Variants in CTNNA3 observed in about 807,000 individuals in gnomAD.
The protein encoded by CTNNA3 is catenin alpha-3.
In CTNNA3, 76 loss-of-function variants were observed where a neutral mutation model predicts 95.7. That is an observed-to-expected ratio of 0.79 (90% CI 0.66 to 0.96). The LOEUF (loss-of-function observed/expected upper bound fraction) is 0.96. Among genes scored for constraint, CTNNA3 ranks in the 40% least tolerant of loss-of-function variants. The pLI, the probability that CTNNA3 is intolerant of heterozygous loss-of-function variation, is 0.00. For synonymous variants in CTNNA3, 431 were observed against 374.4 expected, an observed-to-expected ratio of 1.15 and a Z score of -1.74; for missense variants, 1,191 against 1,089.8, an observed-to-expected ratio of 1.09 and a Z score of -1.31.
chr10:67,547,216 C>G (rs561165410), intron 3 of CTNNA3, among the ~76,000 whole-genome samples: 2 of 151,988 alleles, frequency 1.3e-5, no homozygotes, highest in Non-Finnish European at 2.9e-5. Flanking sequence ...ACCTCCCCCC[C>G]AAAAAATACA....
At chr10:67,372,194 G>A (rs1272066049) in intron 5 of CTNNA3, among the ~76,000 whole-genome samples, 3 of 152,026 alleles carry the variant, frequency 2.0e-5, no homozygotes, top group Non-Finnish European at 4.4e-5. Flanking sequence ...TCACTCTGAT[G>A]GTATTTTCTT....
At chr10:66,159,717 T>C (rs2084748922) in intron 13 of CTNNA3, among the ~76,000 whole-genome samples, 1 of 150,428 alleles carries the variant, frequency 6.6e-6, no homozygotes, top group Admixed American at 6.6e-5. Flanking sequence ...GATTCCTTCT[T>C]TCTCTGTCTT....
chr10:67,011,381 T>C (rs1031015612), intron 7 of CTNNA3, among the ~76,000 whole-genome samples: 2 of 148,748 alleles, frequency 1.3e-5, no homozygotes, highest in East Asian at 3.9e-4. Context: ...TTTTTAATAA[T>C]AAACTATTCA....
intron 5 of CTNNA3, among the ~76,000 whole-genome samples, chr10:67,454,901 C>A (rs1019862946): frequency 1.3e-5 from 2 of 151,952 alleles, no homozygotes; most frequent in African/African-American, 4.8e-5. Flanking sequence ...TAGAGAATTA[C>A]AAAATAAAGA....
chr10:67,429,864 T>G (rs993622885), intron 5 of CTNNA3, among the ~76,000 whole-genome samples: 1 of 151,918 alleles, frequency 6.6e-6, no homozygotes, highest in African/African-American at 2.4e-5. Flanking sequence ...GATGCACATG[T>G]TTTTTTGGTT....
intron 5 of CTNNA3, among the ~76,000 whole-genome samples, chr10:67,250,996 A>C (rs1004705622): frequency 6.6e-6 from 1 of 152,228 alleles, no homozygotes; most frequent in African/African-American, 2.4e-5. Flanking sequence ...AATCAAGAGA[A>C]ATGAAAACAT....
chr10:67,639,221 T>A (rs933019014), intron 2 of CTNNA3, among the ~76,000 whole-genome samples: 3 of 152,092 alleles, frequency 2.0e-5, no homozygotes, highest in African/African-American at 7.2e-5. Flanking sequence ...GAGAATACTA[T>A]AAACACCTGT....
chr10:66,853,974 G>T (rs911035966), intron 7 of CTNNA3, among the ~76,000 whole-genome samples: 1 of 152,000 alleles, frequency 6.6e-6, no homozygotes, highest in Non-Finnish European at 1.5e-5. Context: ...ATAAAAAGCC[G>T]CTATTTAACC....
At chr10:66,222,598 ACG>A (rs1564782855) in intron 13 of CTNNA3, among the ~76,000 whole-genome samples, 15 of 147,376 alleles carry the variant, frequency 1.0e-4, no homozygotes, top group African/African-American at 3.0e-4. Context: ...AAAAGAAAGA[ACG>A]AAAGAAAGAA....
chr10:66,702,149 C>A (rs533529247), intron 9 of CTNNA3, among the ~76,000 whole-genome samples: 61 of 151,066 alleles, frequency 4.0e-4, no homozygotes, highest in African/African-American at 1.4e-3. Context: ...AAAAAAAAAA[C>A]AAATGTGTCC....
rs935928830 is a variant in CTNNA3 at position 66,047,498 on chromosome 10, C to T, written c.2159+21810G>A. The stretch of plus-strand genomic sequence containing the variant: ...CCTACCTCAAAATAATAAGAGCCAT[C>T]TATGACAAATCCATAGCCAACATTT... On this transcript the variant is annotated intron_variant, in intron 15 of 17. Transcript: ENST00000433211. Among the ~76,000 whole-genome samples the T allele has an allele frequency of 4.6e-5, 7 of 152,152 alleles. No homozygotes were observed. The South Asian group carries it at 1.4e-3, about 31-fold the overall frequency.
intron 9 of CTNNA3, among the ~76,000 whole-genome samples, chr10:66,633,297 A>T (rs1448970339): frequency 2.6e-5 from 4 of 152,196 alleles, no homozygotes; most frequent in Admixed American, 6.5e-5. Context: ...TCTGTAAAAA[A>T]AATAAAATGT....
upstream of CTNNA3, among the ~76,000 whole-genome samples, chr10:67,698,969 T>A (rs1177439062): frequency 6.6e-6 from 1 of 152,052 alleles, no homozygotes; most frequent in Non-Finnish European, 1.5e-5. Flanking sequence ...CATCTTTCCA[T>A]CATCAAATCT....
intron 1 of CTNNA3, among the ~76,000 whole-genome samples, chr10:67,671,989 G>T (rs1589555760): frequency 6.6e-6 from 1 of 152,244 alleles, no homozygotes; most frequent in East Asian, 1.9e-4. Context: ...GTGTAAAATT[G>T]TTCCTATTTC....
At chr10:66,000,031 C>T in intron 15 of CTNNA3, among the ~76,000 whole-genome samples, 1 of 151,438 alleles carries the variant, frequency 6.6e-6, no homozygotes, top group Admixed American at 6.6e-5. Flanking sequence ...TACTTCAAAA[C>T]ATTATCTCGT....
intron 5 of CTNNA3, among the ~76,000 whole-genome samples, chr10:67,301,986 A>AAAGAACGAAAGAACGAAAGAAC (rs1840310801): frequency 1.2e-5 from 1 of 86,934 alleles, no homozygotes; most frequent in African/African-American, 9.7e-5. Flanking sequence ...AAAGAAAGAA[A>AAAGAACGAAAGAACGAAAGAAC]GAAAGAACGA....
chr10:66,250,992 C>T (rs186254251), intron 13 of CTNNA3, among the ~76,000 whole-genome samples: 6 of 152,244 alleles, frequency 3.9e-5, no homozygotes. Flanking sequence ...TATTGCCCTG[C>T]CTTGTAGACC....
intron 9 of CTNNA3, among the ~76,000 whole-genome samples, chr10:66,685,178 CATAT>C (rs34906544): frequency 1.6e-5 from 2 of 126,474 alleles, no homozygotes; most frequent in Non-Finnish European, 3.3e-5. Context: ...TATATATACA[CATAT>C]ATATATACGT....
At chr10:66,288,114 T>A (rs1481736970) in intron 12 of CTNNA3, among the ~76,000 whole-genome samples, 1 of 152,120 alleles carries the variant, frequency 6.6e-6, no homozygotes, top group Admixed American at 6.6e-5. Context: ...ACATAAATTG[T>A]ATATACAGAT....
Sources: gnomAD v4.1 joint callset for allele counts (sites outside exome capture counted in the v4.1 genomes callset) on GRCh38, gnomAD v4.1.1 for gene constraint, MANE v1.5 for transcripts, NCBI Gene and HGNC (gene_info 2026-07-23, HGNC 2026-07-21) for gene names.